The following GREB1 variants were observed in gnomAD, a reference collection of about 807,000 sequenced individuals.
GREB1 encodes growth regulating estrogen receptor binding 1, also known as protein GREB1.
Under a neutral mutation model 200.7 loss-of-function variants are expected in GREB1, and 106 were observed. That is an observed-to-expected ratio of 0.53 (90% CI 0.45 to 0.62). The LOEUF is 0.62. GREB1 is among the 20% of genes least tolerant of loss of function. The probability of loss-of-function intolerance (pLI) is 0.00; values close to 1 mark genes in which losing one functional copy is unlikely to be tolerated. For missense variants in GREB1, 2,243 were observed against 2,556.8 expected, an observed-to-expected ratio of 0.88 and a Z score of 2.65; for synonymous variants, 1,132 against 1,092.4, an observed-to-expected ratio of 1.04 and a Z score of -0.72.
chr2:11,600,712 G>T (rs1681706823), intron 15 of GREB1, 88 bp from the exon 16 acceptor site: 3 of 1,015,086 alleles, frequency 3.0e-6, no homozygotes. Context: ...AAAGTCAGGG[G>T]TTAGTTATAA....
rs563273852 is a variant in GREB1, at chr2:11,488,807, A to G, written c.-159+6426A>G. Among the ~76,000 whole-genome samples the G allele has an allele frequency of 2.4e-3, 370 of 151,604 alleles. 2 individuals are homozygous for G. Among genetic ancestry groups the G allele is most frequent in the Non-Finnish European group, 4.4e-3 (296 of 67,866 alleles). Reference sequence around the variant, plus strand: ...ACTCCGTCTCAAAAAAAAAAAAAAAAAGATTTGGGAAAGGAATTACCAGAT... The same window carrying G: ...ACTCCGTCTCAAAAAAAAAAAAAAAGAGATTTGGGAAAGGAATTACCAGAT... On this transcript the variant is annotated intron_variant, in intron 1 of 2. Transcript: ENST00000628795.
intron 22 of GREB1, 59 bp downstream of exon 22, chr2:11,618,978 T>C (rs1683769597): frequency 2.9e-5 from 41 of 1,398,254 alleles, no homozygotes; most frequent in Non-Finnish European, 3.9e-5. Flanking sequence ...CACACTCCCA[T>C]CTGGAGGGCA....
At chr2:11,598,314 A>G (rs1177443826) in intron 14 of GREB1, among the ~76,000 whole-genome samples, 1 of 152,174 alleles carries the variant, frequency 6.6e-6, no homozygotes, top group African/African-American at 2.4e-5. Flanking sequence ...CACTGAAAGG[A>G]CTCACTCTTT....
intron 20 of GREB1, 126 bp from the exon 21 acceptor site, chr2:11,616,505 G>C: frequency 1.4e-6 from 1 of 720,368 alleles, no homozygotes. Flanking sequence ...CTGGAAGATG[G>C]CAGTGAATGA....
At chr2:11,485,673 C>T (rs1003085134) in intron 1 of GREB1, among the ~76,000 whole-genome samples, 1 of 152,254 alleles carries the variant, frequency 6.6e-6, no homozygotes, top group Admixed American at 6.5e-5. Flanking sequence ...ATGCTTGGTA[C>T]GAAGTTGATC....
intron 23 of GREB1, among the ~76,000 whole-genome samples, chr2:11,624,306 C>G (rs1250111939): frequency 2.0e-5 from 3 of 151,000 alleles, no homozygotes; most frequent in Non-Finnish European, 4.4e-5. Flanking sequence ...TACCATATTT[C>G]CCCCATGCCT....
At chr2:11,600,383 A>G (rs528093110) in intron 15 of GREB1, among the ~76,000 whole-genome samples, 1 of 152,258 alleles carries the variant, frequency 6.6e-6, no homozygotes, top group African/African-American at 2.4e-5. Context: ...TTTTAAACTG[A>G]CTATAGAATT....
intron 32 of GREB1, among the ~76,000 whole-genome samples, chr2:11,639,735 GTC>G (rs1285920246): frequency 7.9e-5 from 12 of 152,344 alleles, no homozygotes; most frequent in Admixed American, 4.6e-4. Context: ...TTTTACAGCA[GTC>G]TCTGCCTTGG....
intron 9 of GREB1, among the ~76,000 whole-genome samples, chr2:11,586,389 A>G (rs1207026859): frequency 6.6e-6 from 1 of 152,268 alleles, no homozygotes; most frequent in African/African-American, 2.4e-5. Context: ...TCACCACTGT[A>G]GAAGCATCAA....
At chr2:11,588,998 C>T (rs1247337834) in intron 10 of GREB1, 67 bp downstream of exon 10, 69 of 1,325,960 alleles carry the variant, frequency 5.2e-5, no homozygotes, top group Middle Eastern at 1.9e-4. Context: ...GACCTGGCCT[C>T]GGCCCTCGTG....
chr2:11,610,326 C>T (rs1329157911), intron 17 of GREB1, among the ~76,000 whole-genome samples: 2 of 152,158 alleles, frequency 1.3e-5, no homozygotes, highest in Non-Finnish European at 2.9e-5. Flanking sequence ...CAACTTAGTC[C>T]CCTCCTCAGA....
intron 6 of GREB1, among the ~76,000 whole-genome samples, chr2:11,579,044 T>C (rs1435684150): frequency 2.6e-5 from 4 of 152,222 alleles, no homozygotes; most frequent in African/African-American, 2.4e-5. Context: ...GCGATTGTTA[T>C]CACGGTGGAC....
Position 11,640,158 on chromosome 2 carries a change from G to A in GREB1, c.5687-133G>A. 1.3e-6 allele frequency: 1 copy of A among 745,004 alleles called. No individual in the cohort carries two copies. The highest frequency in any genetic ancestry group is 1.9e-5 in the South Asian group (1 of 52,028). 46.1% of individuals were successfully genotyped at this position (745,004 alleles called of 1,614,324 possible). A position where few individuals can be genotyped will look rare whatever the true frequency, so the allele number is the denominator to read the frequency against. On this transcript the variant is annotated intron_variant, in intron 32 of 32. Coordinates refer to ENST00000381486, the MANE Select transcript of GREB1 (RefSeq NM_014668.4). The surrounding 1 kb of genome is among the most constrained non-coding windows in gnomAD (Gnocchi z 4.6). ...GTACATCATCCCGAAAGAAGCAAGG[G>A]GCCGACTTGGATGCCGCTTCTGCCC...
chr2:11,535,114 A>G (rs1007494671), intron 1 of GREB1, among the ~76,000 whole-genome samples: 1 of 152,106 alleles, frequency 6.6e-6, no homozygotes, highest in Non-Finnish European at 1.5e-5. Context: ...GGTGGGAGGT[A>G]GAGGAGCTAC....
chr2:11,612,209 A>AAAAG, intron 18 of GREB1: 1 of 606,638 alleles, frequency 1.6e-6, no homozygotes, highest in South Asian at 4.5e-5. Flanking sequence ...AAAAAAAAAA[A>AAAAG]GACTTAAGGA....
intron 7 of GREB1, among the ~76,000 whole-genome samples, chr2:11,584,454 G>C (rs9789525): frequency 6.6e-6 from 1 of 151,938 alleles, no homozygotes; most frequent in Admixed American, 6.6e-5. Flanking sequence ...CGGTGGAGCT[G>C]TGGTGGTGGA....
At chr2:11,607,538 ATACATATATG>A (rs1382787250) in intron 17 of GREB1, among the ~76,000 whole-genome samples, 1 of 146,560 alleles carries the variant, frequency 6.8e-6, no homozygotes, top group Non-Finnish European at 1.5e-5. Context: ...ACACATATAT[ATACATATATG>A]TACATACATA....
At chr2:11,607,266 CT>C (rs1280446866) in intron 17 of GREB1, among the ~76,000 whole-genome samples, 1 of 151,682 alleles carries the variant, frequency 6.6e-6, no homozygotes, top group Middle Eastern at 3.2e-3. Flanking sequence ...AAAAATTTTT[CT>C]TGCTATATTG....
intron 1 of GREB1, among the ~76,000 whole-genome samples, chr2:11,542,343 G>A (rs1407559662): frequency 6.6e-6 from 1 of 152,200 alleles, no homozygotes; most frequent in African/African-American, 2.4e-5. Flanking sequence ...GCCCCCGGCT[G>A]CATCTGCTCT....
Sources: gnomAD v4.1 joint callset for allele counts (sites outside exome capture counted in the v4.1 genomes callset) on GRCh38, gnomAD v4.1.1 for gene constraint, Gnocchi (gnomAD v3.1) non-coding constraint, MANE v1.5 for transcripts, NCBI Gene and HGNC (gene_info 2026-07-23, HGNC 2026-07-21) for gene names.